Variants in KRABD1 observed in about 807,000 individuals in gnomAD.
KRABD1 encodes the protein KRAB domain containing 1, also known as KRAB domain-containing protein 1.
the KRABD1 span, chr3:42,941,234 G>C: frequency 1.9e-6 from 3 of 1,560,266 alleles, no homozygotes; most frequent in African/African-American, 4.1e-5. Flanking sequence ...AGGAATCAGT[G>C]GCTTTTGAGG....
At chr3:42,942,480 A>C in the KRABD1 span, 1 of 499,714 alleles carries the variant, frequency 2.0e-6, no homozygotes, top group Non-Finnish European at 3.3e-6. Context: ...AATTTTAAAT[A>C]ATTTTTTATA....
At chr3:42,937,143 A>G in the KRABD1 span, 7 of 152,180 alleles carry the variant, frequency 4.6e-5, no homozygotes, top group Admixed American at 3.9e-4. Context: ...AACATTGTTC[A>G]TTATATTCTT....
chr3:42,938,741 T>C, the KRABD1 span: 1 of 478,510 alleles, frequency 2.1e-6, no homozygotes. Flanking sequence ...AAGCAATAAC[T>C]AATGAACGGT....
At chr3:42,940,023 G>A in the KRABD1 span, among the ~76,000 whole-genome samples, 1 of 152,084 alleles carries the variant, frequency 6.6e-6, no homozygotes, top group African/African-American at 2.4e-5. Context: ...ATGAAGTCCA[G>A]TATATCAGTT....
the KRABD1 span, among the ~76,000 whole-genome samples, chr3:42,939,822 T>C: frequency 5.2e-4 from 79 of 152,346 alleles, no homozygotes; most frequent in African/African-American, 1.8e-3. Flanking sequence ...TATCCTCTTA[T>C]GTGAACTCCC....
chr3:42,939,157 C>CTCATACTTGTATGTATGT, the KRABD1 span, among the ~76,000 whole-genome samples: 1 of 152,002 alleles, frequency 6.6e-6, no homozygotes, highest in South Asian at 2.1e-4. Flanking sequence ...CTTGTATGAC[C>CTCATACTTGTATGTATGT]TCACTCATAG....
chr3:42,940,893 G>A, the KRABD1 span, among the ~76,000 whole-genome samples: 2 of 152,230 alleles, frequency 1.3e-5, no homozygotes, highest in Non-Finnish European at 2.9e-5. Flanking sequence ...ATGTTCGGGG[G>A]TCAGTTCTCC....
the KRABD1 span, chr3:42,941,310 A>G: frequency 1.9e-6 from 3 of 1,600,064 alleles, no homozygotes; most frequent in Non-Finnish European, 1.7e-6. Flanking sequence ...GGCCTTGTAC[A>G]GGGATGTGAT....
At chr3:42,939,186 T>C in the KRABD1 span, among the ~76,000 whole-genome samples, 1 of 152,150 alleles carries the variant, frequency 6.6e-6, no homozygotes, top group Non-Finnish European at 1.5e-5. Flanking sequence ...AGAACATTAT[T>C]AGCACCCCAA....
chr3:42,940,306 A>C, the KRABD1 span, among the ~76,000 whole-genome samples: 233 of 152,160 alleles, frequency 1.5e-3, no homozygotes, highest in Admixed American at 2.3e-3. Flanking sequence ...CTGTTTTTAA[A>C]ATCCCTATTC....
chr3:42,938,500 T>A, the KRABD1 span: 1 of 186,330 alleles, frequency 5.4e-6, no homozygotes, highest in Admixed American at 5.3e-5. Flanking sequence ...ACTGTATGGA[T>A]TTCAGGGATC....
chr3:42,938,126 G>A, the KRABD1 span: 1 of 152,190 alleles, frequency 6.6e-6, no homozygotes, highest in Admixed American at 6.5e-5. Flanking sequence ...AACTAGTTTA[G>A]AAATGAAATT....
chr3:42,939,001 C>A, the KRABD1 span: 1 of 1,126,028 alleles, frequency 8.9e-7, no homozygotes, highest in Non-Finnish European at 1.3e-6. Context: ...TAGATACATA[C>A]ATAAAAATAT....
the KRABD1 span, chr3:42,937,481 A>C: frequency 6.6e-6 from 1 of 152,188 alleles, no homozygotes; most frequent in Non-Finnish European, 1.5e-5. Flanking sequence ...ATCCACTGTA[A>C]GGGACATTTA....
chr3:42,938,660 C>G, the KRABD1 span: 1 of 392,190 alleles, frequency 2.5e-6, no homozygotes, highest in East Asian at 3.5e-5. Context: ...ATCACTCATT[C>G]CGTGGATGAT....
chr3:42,939,080 C>A, the KRABD1 span: 1 of 558,260 alleles, frequency 1.8e-6, no homozygotes, highest in Non-Finnish European at 3.0e-6. Context: ...ACACACATTT[C>A]TCATTGAGGT....
At chr3:42,938,768 A>G in the KRABD1 span, 2 of 558,506 alleles carry the variant, frequency 3.6e-6, no homozygotes, top group East Asian at 2.8e-5. Flanking sequence ...TATAGCCTTC[A>G]AAACAGATGG....
At chr3:42,938,965 C>T in the KRABD1 span, 2 of 1,497,432 alleles carry the variant, frequency 1.3e-6, no homozygotes, top group African/African-American at 1.4e-5. Flanking sequence ...GTACATATCC[C>T]TGTGTGTATA....
chr3:42,939,601 G>T, the KRABD1 span, among the ~76,000 whole-genome samples: 4 of 152,018 alleles, frequency 2.6e-5, no homozygotes, highest in African/African-American at 7.2e-5. Context: ...AGCTCATAGG[G>T]TATATATACA....
Sources: allele counts gnomAD v4.1 joint callset (sites outside exome capture counted in the v4.1 genomes callset), GRCh38; gene constraint gnomAD v4.1.1; transcripts MANE v1.5; gene names NCBI Gene and HGNC (gene_info 2026-07-23, HGNC 2026-07-21).